APPL1: variants seen among roughly 807,000 people sequenced by gnomAD.
APPL1 encodes the protein DCC-interacting protein 13-alpha.
APPL1 carries 42 observed loss-of-function variants against 106.8 expected under a neutral mutation model. The ratio of observed to expected loss-of-function variants is 0.39; its 90% CI spans 0.31 to 0.51. APPL1 has a LOEUF of 0.51. Among genes scored for constraint, APPL1 ranks in the 20% least tolerant of loss-of-function variants. APPL1 has a pLI of 0.75. For missense variants in APPL1, 769 were observed against 858.2 expected, an observed-to-expected ratio of 0.90 and a Z score of 1.30; for synonymous variants, 263 against 281.8, an observed-to-expected ratio of 0.93 and a Z score of 0.67.
At chr3:57,250,876 C>T (rs1231585452) in intron 11 of APPL1, among the ~76,000 whole-genome samples, 2 of 138,472 alleles carry the variant, frequency 1.4e-5, no homozygotes, top group East Asian at 2.2e-4. Context: ...GGCGCGATCT[C>T]GGCTCACTGC....
At chr3:57,240,130 T>TG (rs2060737300) in intron 4 of APPL1, among the ~76,000 whole-genome samples, 1 of 145,306 alleles carries the variant, frequency 6.9e-6, no homozygotes, top group African/African-American at 2.6e-5. Context: ...CATTCTGAGT[T>TG]GTTTTTTTTT....
In APPL1 at chr3:57,260,781, G is replaced by A; in HGVS notation, c.1842+7G>A. 1.2e-6 allele frequency: 2 copies of A among 1,600,310 alleles called. No homozygotes were observed. The highest frequency in any genetic ancestry group is 1.7e-6 in the Non-Finnish European group (2 of 1,172,242). ...AAACAATGAGGGGGAAAAGGTACATGGCTTTTCAGAATATCTCTGTCATAA... is the reference window on the plus strand; with the variant it reads ...AAACAATGAGGGGGAAAAGGTACATAGCTTTTCAGAATATCTCTGTCATAA... On this transcript the variant is annotated splice_region_variant and intron_variant, in intron 19 of 21. Transcript: ENST00000288266.
chr3:57,238,797 G>A (rs903222854), intron 4 of APPL1, among the ~76,000 whole-genome samples: 4 of 152,154 alleles, frequency 2.6e-5, no homozygotes, highest in Middle Eastern at 3.4e-3. Context: ...GGTAAAGTAC[G>A]CATAGCATAA....
rs753618573 is a variant in APPL1 at position 57,256,970 on chromosome 3, G to T, written c.1166G>T (p.Arg389Leu). The T allele has an allele frequency of 6.2e-7, 1 of 1,613,928 alleles. No homozygotes were observed. Among genetic ancestry groups the T allele is most frequent in the South Asian group, 1.1e-5 (1 of 91,056 alleles). Residue 389 changes from arginine (R) to leucine (L), a missense_variant, in exon 14 of 22, where the codon CGA becomes CTA. By Grantham distance (102) the Arg-to-Leu change is moderately radical. Transcript: ENST00000288266. ...AAATTGAAATAGGAAACTGCTGCACGAGTAAATCAATCAGCTCTGGAAGCT... is the reference window on the plus strand; with the variant it reads ...AAATTGAAATAGGAAACTGCTGCACTAGTAAATCAATCAGCTCTGGAAGCT... ...LSENPEETAA[R>L]VNQSALEAVT...
chr3:57,241,837 T>A (rs1411099666), intron 5 of APPL1, among the ~76,000 whole-genome samples: 2 of 152,248 alleles, frequency 1.3e-5, no homozygotes, highest in African/African-American at 4.8e-5. Flanking sequence ...TTTGCATATC[T>A]TACCATTTAC....
chr3:57,257,393 G>T lies in APPL1; in HGVS notation c.1395G>T (p.Gln465His). 16 of 1,613,838 alleles carry T rather than the reference G, an allele frequency of 9.9e-6. No homozygotes were observed. The highest frequency in any genetic ancestry group is 1.4e-5 in the Non-Finnish European group (16 of 1,179,898). Residue 465 changes from glutamine (Q) to histidine (H), a missense_variant, in exon 15 of 22, where the codon CAG (glutamine) becomes CAT (histidine). Physicochemically the swap from Gln to His is conservative, Grantham distance 24 (BLOSUM62 0). Transcript: ENST00000288266. ...TAATTTCTCCTGTGTGTGAAGATCA[G>T]CCTGGCCAGGCAAAAGCCTTTGGCC... ...FDIISPVCEDQPGQAKAFGQG... is the reference protein window; with the variant it reads ...FDIISPVCEDHPGQAKAFGQG...
intron 8 of APPL1, 125 bp from the exon 9 acceptor site, chr3:57,247,270 C>CA: frequency 1.7e-6 from 1 of 584,526 alleles, no homozygotes. Flanking sequence ...TATTTTTACA[C>CA]AAATGGGAAT....
At chr3:57,231,585 G>A (rs886498670) in intron 1 of APPL1, among the ~76,000 whole-genome samples, 1 of 151,834 alleles carries the variant, frequency 6.6e-6, no homozygotes, top group African/African-American at 2.4e-5. Context: ...GCTCATGCTT[G>A]TAAACACTTG....
chr3:57,256,887 A>G, intron 13 of APPL1, 70 bp from the exon 14 acceptor site: 1 of 1,179,922 alleles, frequency 8.5e-7, no homozygotes. Flanking sequence ...CTAACAATTC[A>G]GAGTTACATT....
chr3:57,255,399 T>C (rs1010550046), intron 13 of APPL1, among the ~76,000 whole-genome samples: 1 of 152,214 alleles, frequency 6.6e-6, no homozygotes, highest in Non-Finnish European at 1.5e-5. Flanking sequence ...TAGACTAGTT[T>C]AGTAACTGAT....
At position 57,249,518 on chromosome 3, in the gene APPL1, G is replaced by A. The variant is rs758367000; in HGVS notation, c.1022G>A (p.Cys341Tyr). ...GTGGACTGTGAAGACAGACGATATT[G>A]TTTTCAGATCACCTCTTTCGATGGA... Reference protein sequence around the residue: ...MAVDCEDRRYCFQITSFDGKK... With the variant: ...MAVDCEDRRYYFQITSFDGKK... Residue 341 changes from cysteine to tyrosine, a missense_variant, in exon 11 of 22, where the codon TGT becomes TAT. Cys to Tyr is a radical substitution (Grantham distance 194, BLOSUM62 -2). Transcript: ENST00000288266. The A allele has an allele frequency of 6.3e-7, 1 of 1,597,774 alleles. No homozygotes were observed.
At chr3:57,230,827 T>C (rs550393645) in intron 1 of APPL1, 15 of 436,518 alleles carry the variant, frequency 3.4e-5, no homozygotes, top group Middle Eastern at 7.8e-4. Context: ...TGGATTGCAG[T>C]GGCACAGCCA....
chr3:57,238,216 A>T, intron 4 of APPL1, 100 bp downstream of exon 4: 1 of 800,950 alleles, frequency 1.2e-6, no homozygotes, highest in East Asian at 2.8e-5. Context: ...TAAAGAGATG[A>T]CTAAAGAGGA....
intron 12 of APPL1, 58 bp downstream of exon 12, chr3:57,252,369 A>G (rs746604403): frequency 5.4e-5 from 69 of 1,276,792 alleles, no homozygotes; most frequent in Non-Finnish European, 7.7e-5. Context: ...TTCTGATGAC[A>G]AAACATATAT....
chr3:57,231,106 G>C (rs988027789), intron 1 of APPL1, among the ~76,000 whole-genome samples: 25 of 151,766 alleles, frequency 1.6e-4, no homozygotes, highest in African/African-American at 6.0e-4. Flanking sequence ...TTGGGAGGAC[G>C]AGGCAGGTGA....
rs1246196168 is a variant in APPL1, at chr3:57,227,891, G to A, written c.8G>A (p.Gly3Glu). MP[G>E]IDKLPIEETL... is the part of the protein sequence containing the mutation. Reference sequence around the variant, plus strand: ...CGCCCTCCCTCCGCCACGATGCCGGGGATCGACAAGCTGCCCATCGAGGAG... The same window carrying A: ...CGCCCTCCCTCCGCCACGATGCCGGAGATCGACAAGCTGCCCATCGAGGAG... Residue 3 changes from glycine to glutamate, a missense_variant, in exon 1 of 22, where the codon GGG (glycine) becomes GAG (glutamate). Physicochemically the swap from Gly to Glu is moderately conservative, Grantham distance 98. Coordinates refer to ENST00000288266, the MANE Select transcript of APPL1 (RefSeq NM_012096.3). 12 of 1,468,896 alleles carry A rather than the reference G, an allele frequency of 8.2e-6. No homozygotes were observed. Among genetic ancestry groups the A allele is most frequent in the Non-Finnish European group, 9.9e-6 (11 of 1,107,974 alleles). 91.0% of individuals were successfully genotyped at this position (1,468,896 alleles called of 1,614,324 possible).
intron 19 of APPL1, among the ~76,000 whole-genome samples, chr3:57,263,994 T>G (rs1397475986): frequency 6.6e-6 from 1 of 152,230 alleles, no homozygotes; most frequent in Non-Finnish European, 1.5e-5. Context: ...TATACTAATT[T>G]ACATTCCCAC....
At chr3:57,245,548 GTT>G (rs1003933764) in intron 7 of APPL1, among the ~76,000 whole-genome samples, 1 of 134,434 alleles carries the variant, frequency 7.4e-6, no homozygotes. Flanking sequence ...TCAATATGCA[GTT>G]TTTTTTTTTT....
At chr3:57,255,390 A>G (rs112435456) in intron 13 of APPL1, among the ~76,000 whole-genome samples, 4 of 152,350 alleles carry the variant, frequency 2.6e-5, no homozygotes, top group African/African-American at 9.6e-5. Context: ...TGGGAGGCCT[A>G]GACTAGTTTA....
Sources: gnomAD v4.1 joint callset for allele counts (sites outside exome capture counted in the v4.1 genomes callset) on GRCh38, gnomAD v4.1.1 for gene constraint, MANE v1.5 for transcripts, NCBI Gene and HGNC (gene_info 2026-07-23, HGNC 2026-07-21) for gene names.